STAMBP: variants seen among roughly 807,000 people sequenced by gnomAD.
STAMBP encodes the protein STAM-binding protein.
A neutral mutation model predicts 50.7 loss-of-function variants in STAMBP; 31 were observed. The observed-to-expected ratio is 0.61, with a 90% CI of 0.46 to 0.83. The LOEUF (loss-of-function observed/expected upper bound fraction) is 0.83. STAMBP is among the 40% of genes least tolerant of loss of function. The pLI is 0.00. For synonymous variants in STAMBP, 211 were observed against 192.4 expected (o/e 1.10, Z -0.80); for missense variants, 472 against 518.9 (o/e 0.91, Z 0.88).
intron 10 of STAMBP, among the ~76,000 whole-genome samples, chr2:73,872,549 A>G (rs1376397062): frequency 6.6e-6 from 1 of 152,222 alleles, no homozygotes; most frequent in African/African-American, 2.4e-5. Flanking sequence ...GCAGATAAGT[A>G]AGATAAAGGA....
chr2:73,840,233 G>A (rs1475135092), intron 2 of STAMBP, among the ~76,000 whole-genome samples: 1 of 151,702 alleles, frequency 6.6e-6, no homozygotes, highest in African/African-American at 2.4e-5. Context: ...TGAATGAATG[G>A]GTGAATGATT....
intron 2 of STAMBP, among the ~76,000 whole-genome samples, chr2:73,832,084 C>CATATATATATATATAT (rs67469518): frequency 4.2e-4 from 50 of 118,466 alleles, no homozygotes; most frequent in South Asian, 1.3e-3. Flanking sequence ...GAGTAGGTAA[C>CATATATATATATATAT]ATATATATAT....
chr2:73,831,232 T>C (rs576722393), intron 2 of STAMBP, among the ~76,000 whole-genome samples, 173 bp downstream of exon 2: 15 of 152,394 alleles, frequency 9.8e-5, no homozygotes, highest in Admixed American at 7.2e-4. Flanking sequence ...CTGAAGGTGT[T>C]ATTTTCATGA....
chr2:73,872,231 G>A (rs913873427), intron 10 of STAMBP, among the ~76,000 whole-genome samples: 6 of 152,126 alleles, frequency 3.9e-5, no homozygotes, highest in African/African-American at 1.2e-4. Flanking sequence ...ACCCATCTAC[G>A]CCACATGCAC....
intron 2 of STAMBP, among the ~76,000 whole-genome samples, chr2:73,832,298 T>A (rs1221668249): frequency 2.0e-5 from 3 of 151,172 alleles, no homozygotes; most frequent in Non-Finnish European, 4.4e-5. Flanking sequence ...CTACTAAAAA[T>A]ACAAAAATTA....
In STAMBP at chr2:73,835,740, T is replaced by C. The variant is rs138684035; in HGVS notation, c.203+4681T>C. ...CTTAAACGATAGGGTAGTCCATGTA[T>C]TGAGATGGGAAAAGCCCTCTAAAGA... On this transcript the variant is annotated intron_variant, in intron 2 of 9. Transcript: ENST00000394070. 7.1e-3 allele frequency among the ~76,000 whole-genome samples: 1,078 copies of C among 152,224 alleles called. 38 individuals carry two copies. The highest frequency in any genetic ancestry group is 0.058 in the Admixed American group (887 of 15,282).
chr2:73,846,210 A>G (rs758245320), intron 4 of STAMBP, among the ~76,000 whole-genome samples: 4 of 151,886 alleles, frequency 2.6e-5, no homozygotes, highest in African/African-American at 7.3e-5. Context: ...TTTTAATCCA[A>G]ATGCCTCTCA....
intron 10 of STAMBP, among the ~76,000 whole-genome samples, chr2:73,872,504 C>A (rs1156699738): frequency 6.6e-6 from 1 of 151,894 alleles, no homozygotes; most frequent in African/African-American, 2.4e-5. Context: ...TCAAAGTACA[C>A]AAGAAGTAGA....
chr2:73,869,809 AT>A (rs1679132937), downstream of STAMBP, among the ~76,000 whole-genome samples: 1 of 152,234 alleles, frequency 6.6e-6, no homozygotes, highest in Non-Finnish European at 1.5e-5. Flanking sequence ...TAGATTAAGA[AT>A]CAGCAAACTT....
At position 73,829,357 on chromosome 2, in the gene STAMBP, C is replaced by G. The variant is rs939780013; in HGVS notation, c.-166C>G. On this transcript the variant is annotated 5_prime_UTR_variant, in exon 1 of 10. Coordinates refer to ENST00000394070, the MANE Select transcript of STAMBP (RefSeq NM_213622.4). ...TTCCTGCTACTTCCTTTCTCCTCCT[C>G]GTATTTCCCCCTCGGTCCTTTACGC... 1 of 152,514 alleles carries G rather than the reference C, an allele frequency of 6.6e-6. No homozygotes were observed. The highest frequency in any genetic ancestry group is 2.4e-5 in the African/African-American group (1 of 41,454). 9.4% of individuals were successfully genotyped at this position (152,514 alleles called of 1,614,324 possible). A position where few individuals can be genotyped will look rare whatever the true frequency, so the allele number is the denominator to read the frequency against.
downstream of STAMBP, among the ~76,000 whole-genome samples, chr2:73,871,981 C>T (rs1286822968): frequency 6.6e-6 from 1 of 151,978 alleles, no homozygotes; most frequent in Non-Finnish European, 1.5e-5. Flanking sequence ...CCATGTTGGC[C>T]AAGCTGGTCT....
intron 7 of STAMBP, among the ~76,000 whole-genome samples, chr2:73,858,354 G>T (rs1023545682): frequency 6.6e-6 from 1 of 151,778 alleles, no homozygotes; most frequent in African/African-American, 2.4e-5. Flanking sequence ...GGCCAGGCTG[G>T]TCTCAAACTC....
chr2:73,859,712 T>TAGA (rs1553386330), intron 8 of STAMBP, among the ~76,000 whole-genome samples: 3 of 99,978 alleles, frequency 3.0e-5, no homozygotes, highest in East Asian at 5.4e-4. Flanking sequence ...AATAAAAAAA[T>TAGA]ATAATAAAAA....
At chr2:73,859,215 T>C in intron 7 of STAMBP, 39 bp from the exon 8 acceptor site, 1 of 1,539,090 alleles carries the variant, frequency 6.5e-7, no homozygotes, top group Non-Finnish European at 9.0e-7. Flanking sequence ...TTACCATATA[T>C]CCTCGCTAAG....
At chr2:73,839,065 C>T (rs1464051371) in intron 2 of STAMBP, among the ~76,000 whole-genome samples, 1 of 152,190 alleles carries the variant, frequency 6.6e-6, no homozygotes, top group Non-Finnish European at 1.5e-5. Context: ...ACATCTGCCT[C>T]ACCACTCCTC....
intron 2 of STAMBP, among the ~76,000 whole-genome samples, chr2:73,834,221 AAAAAAAAAAAAAAAAATATATAT>A (rs1558557345): frequency 1.8e-4 from 4 of 21,692 alleles, no homozygotes; most frequent in Non-Finnish European, 1.7e-4. Context: ...AAAAAAAAAA[AAAAAAAAAAAAAAAAATATATAT>A]ATATATATAT....
chr2:73,834,290 G>A (rs145217724), intron 2 of STAMBP, among the ~76,000 whole-genome samples: 10,606 of 78,826 alleles, frequency 0.13, 1,498 homozygotes, highest in African/African-American at 0.36. Context: ...TATATATAAA[G>A]TTTTTGACTC....
At chr2:73,858,023 C>T (rs772920533) in intron 7 of STAMBP, among the ~76,000 whole-genome samples, 1 of 151,902 alleles carries the variant, frequency 6.6e-6, no homozygotes, top group Non-Finnish European at 1.5e-5. Context: ...CGCTCTGTCA[C>T]CCAGGCTGGA....
At chr2:73,856,903 G>T (rs1391759587) in intron 7 of STAMBP, among the ~76,000 whole-genome samples, 3 of 152,122 alleles carry the variant, frequency 2.0e-5, no homozygotes, top group Admixed American at 2.0e-4. Context: ...CTGAGATGGG[G>T]TTCCCCTTGC....
Sources: allele counts gnomAD v4.1 joint callset (sites outside exome capture counted in the v4.1 genomes callset), GRCh38; gene constraint gnomAD v4.1.1; transcripts MANE v1.5; gene names NCBI Gene and HGNC (gene_info 2026-07-23, HGNC 2026-07-21).